DYRK1A: variants seen among roughly 807,000 people sequenced by gnomAD.
DYRK1A encodes the protein dual specificity tyrosine-phosphorylation-regulated kinase 1A.
Under a neutral mutation model 79.7 loss-of-function variants are expected in DYRK1A, and 9 were observed. That is an observed-to-expected ratio of 0.11 (90% CI 0.07 to 0.20). The LOEUF (loss-of-function observed/expected upper bound fraction) is 0.20, where lower values mean the gene tolerates loss of function less well. Ranked by LOEUF, DYRK1A falls within the 10% of genes least tolerant of loss-of-function variation. DYRK1A has a pLI of 1.00. For missense variants in DYRK1A, 622 were observed against 956.0 expected, an observed-to-expected ratio of 0.65 and a Z score of 4.61; for synonymous variants, 349 against 329.7, an observed-to-expected ratio of 1.06 and a Z score of -0.63.
chr21:37,403,665 G>A (rs11700767), intron 1 of DYRK1A, among the ~76,000 whole-genome samples: 2,120 of 49,934 alleles, frequency 0.042, 28 homozygotes, highest in African/African-American at 0.13. Context: ...ATATATATAT[G>A]TGTGTGTGTG....
chr21:37,478,085 T>C (rs2052464913), intron 3 of DYRK1A, 123 bp from the exon 4 acceptor site: 1 of 1,284,776 alleles, frequency 7.8e-7, no homozygotes, highest in Non-Finnish European at 1.1e-6. Flanking sequence ...AATCATCTAA[T>C]GTGTAGCTGT....
rs552648846 is a variant in DYRK1A, at chr21:37,523,690, T to C, written c.*11159T>C. On this transcript the variant is annotated 3_prime_UTR_variant, in exon 12 of 12. Coordinates refer to ENST00000647188, the MANE Select transcript of DYRK1A (RefSeq NM_001347721.2). ...CCTGTTTTTGTATGGCTCACCAAACTAAGGGTGATTTTCACATTTTACATG... is the reference window on the plus strand; with the variant it reads ...CCTGTTTTTGTATGGCTCACCAAACCAAGGGTGATTTTCACATTTTACATG... 3 of 152,324 alleles carry C rather than the reference T, an allele frequency of 2.0e-5. No individual in the cohort carries two copies. The South Asian group carries it at 6.2e-4, about 32-fold the overall frequency. The allele number at this position is 152,324 out of a possible 1,614,324, so 9.4% of individuals were successfully genotyped here.
chr21:37,490,135 TG>T (rs1454787897), intron 6 of DYRK1A, 39 bp from the exon 7 acceptor site: 1 of 1,560,104 alleles, frequency 6.4e-7, no homozygotes, highest in South Asian at 1.2e-5. Flanking sequence ...CTCAGTTTAT[TG>T]GTATATATAA....
At position 37,390,870 on chromosome 21, in the gene DYRK1A, T is replaced by C. The variant is rs115538023; in HGVS notation, c.-77+23242T>C. 6.7e-3 allele frequency among the ~76,000 whole-genome samples: 1,021 copies of C among 152,320 alleles called. 9 individuals carry two copies. Among genetic ancestry groups the C allele is most frequent in the African/African-American group, 0.023 (950 of 41,562 alleles). On this transcript the variant is annotated intron_variant, in intron 1 of 11. Coordinates refer to ENST00000647188, the MANE Select transcript of DYRK1A (RefSeq NM_001347721.2). ...CAGGCGTGAGCCACCACGCCCGGCC[T>C]GTTACTGTTTTTCAACTGTCCTGAT...
chr21:37,440,013 T>C (rs1555966958), intron 2 of DYRK1A, among the ~76,000 whole-genome samples: 1 of 152,032 alleles, frequency 6.6e-6, no homozygotes, highest in Non-Finnish European at 1.5e-5. Context: ...TTAGAATTTT[T>C]ATATCTTATG....
intron 2 of DYRK1A, among the ~76,000 whole-genome samples, chr21:37,432,419 A>C (rs527942922): frequency 2.0e-5 from 3 of 152,360 alleles, no homozygotes; most frequent in Admixed American, 2.0e-4. Flanking sequence ...AGAAATATCT[A>C]CTTGGCTTAA....
intron 3 of DYRK1A, among the ~76,000 whole-genome samples, chr21:37,474,959 A>G (rs992011013): frequency 3.3e-5 from 5 of 152,254 alleles, no homozygotes; most frequent in Admixed American, 6.5e-5. Flanking sequence ...ATTCTTCATT[A>G]TATAGGAAAA....
chr21:37,402,026 A>G (rs528536278), intron 1 of DYRK1A, among the ~76,000 whole-genome samples: 2 of 152,318 alleles, frequency 1.3e-5, no homozygotes, highest in East Asian at 1.9e-4. Flanking sequence ...TAGTAGCCAT[A>G]AAGAGCATCA....
rs1131692019 is a variant in DYRK1A, at chr21:37,506,221, C to G, written c.1642C>G (p.Gln548Glu). 2.5e-6 allele frequency: 4 copies of G among 1,613,954 alleles called. No individual in the cohort carries two copies. In the African/African-American group the frequency reaches 4.0e-5, roughly 16 times the overall value. Residue 548 changes from glutamine to glutamate, a missense_variant and splice_region_variant, in exon 11 of 12, where the codon CAG (glutamine) becomes GAG (glutamate). Gln to Glu is a conservative substitution (Grantham distance 29, BLOSUM62 2). Coordinates refer to ENST00000647188, the MANE Select transcript of DYRK1A (RefSeq NM_001347721.2). ...QAMDCETHSP[Q>E]VRQQFPAPLG... The stretch of plus-strand genomic sequence containing the variant: ...CATGGACTGCGAGACACACAGTCCC[C>G]AGGTGAGCTCGCACGTGGTTCATTT...
chr21:37,497,893 C>T (rs934282924), intron 9 of DYRK1A, among the ~76,000 whole-genome samples: 9 of 151,990 alleles, frequency 5.9e-5, no homozygotes, highest in South Asian at 2.1e-4. Flanking sequence ...TTATTTTAGT[C>T]GCACTTAGCA....
rs558926487 is a variant in DYRK1A at position 37,485,714 on chromosome 21, T to C, written c.490-753T>C. On this transcript the variant is annotated intron_variant, in intron 5 of 11. Transcript: ENST00000647188. ...AAGAGATAACATTTTCTTTTACTTA[T>C]ATATTGATTTTGTAATGTTTATGTA... Among the ~76,000 whole-genome samples, 10 of 151,658 alleles carry C rather than the reference T, an allele frequency of 6.6e-5. No homozygotes were observed. In the South Asian group the frequency reaches 1.3e-3, roughly 19 times the overall value.
intron 1 of DYRK1A, among the ~76,000 whole-genome samples, chr21:37,409,723 T>C (rs988191071): frequency 2.6e-5 from 4 of 152,172 alleles, no homozygotes; most frequent in African/African-American, 9.7e-5. Context: ...GCCAAAGATA[T>C]TCATTATGAA....
intron 2 of DYRK1A, among the ~76,000 whole-genome samples, chr21:37,437,949 C>T (rs2050975593): frequency 6.6e-6 from 1 of 152,070 alleles, no homozygotes; most frequent in African/African-American, 2.4e-5. Flanking sequence ...GTAGTTGTAC[C>T]GTTTTACATT....
chr21:37,442,064 G>A (rs553384050), intron 2 of DYRK1A, among the ~76,000 whole-genome samples: 32 of 150,126 alleles, frequency 2.1e-4, no homozygotes, highest in African/African-American at 6.8e-4. Flanking sequence ...CTGCTCTCTC[G>A]CATTGTTTCT....
chr21:37,389,929 T>G (rs987792447), intron 1 of DYRK1A, among the ~76,000 whole-genome samples: 12 of 151,574 alleles, frequency 7.9e-5, no homozygotes, highest in African/African-American at 2.7e-4. Context: ...TTTTTTGTTT[T>G]TTTTTTTTTT....
At chr21:37,488,921 A>G (rs556210558) in intron 6 of DYRK1A, 3 of 936,564 alleles carry the variant, frequency 3.2e-6, no homozygotes, top group East Asian at 1.2e-4. Context: ...CTAAGAGCAG[A>G]TATTTTACAT....
chr21:37,416,418 A>G (rs1391331926), intron 1 of DYRK1A, among the ~76,000 whole-genome samples: 5 of 142,072 alleles, frequency 3.5e-5, no homozygotes, highest in South Asian at 2.2e-4. Context: ...AAATCCTCCT[A>G]TATAACTGCT....
chr21:37,398,619 A>T (rs540712574), intron 1 of DYRK1A, among the ~76,000 whole-genome samples: 1 of 152,214 alleles, frequency 6.6e-6, no homozygotes, highest in Non-Finnish European at 1.5e-5. Context: ...CCAAATGACA[A>T]CTTGATGCCT....
At chr21:37,452,147 T>G (rs1313016873) in intron 2 of DYRK1A, among the ~76,000 whole-genome samples, 1 of 151,904 alleles carries the variant, frequency 6.6e-6, no homozygotes, top group Non-Finnish European at 1.5e-5. Context: ...TGAGCTTTTT[T>G]TTTTTTTGGT....
Sources: gnomAD v4.1 joint callset for allele counts (sites outside exome capture counted in the v4.1 genomes callset) on GRCh38, gnomAD v4.1.1 for gene constraint, MANE v1.5 for transcripts, NCBI Gene and HGNC (gene_info 2026-07-23, HGNC 2026-07-21) for gene names.